The following DNM3 variants were observed in gnomAD, a reference collection of about 807,000 sequenced individuals.
The protein encoded by DNM3 is dynamin-3.
A neutral mutation model predicts 101.6 loss-of-function variants in DNM3; 47 were observed. The ratio of observed to expected loss-of-function variants is 0.46; its 90% CI spans 0.37 to 0.59. The LOEUF (loss-of-function observed/expected upper bound fraction) is 0.59, where lower values mean the gene tolerates loss of function less well. Ranked by LOEUF, DNM3 falls within the 20% of genes least tolerant of loss-of-function variation. The pLI, the probability that DNM3 is intolerant of heterozygous loss-of-function variation, is 0.00. For synonymous variants in DNM3, 385 were observed against 387.9 expected (o/e 0.99, Z 0.09); for missense variants, 849 against 1,085.7 (o/e 0.78, Z 3.06).
chr1:172,031,104 T>A (rs1049021378), intron 4 of DNM3, among the ~76,000 whole-genome samples: 1 of 152,144 alleles, frequency 6.6e-6, no homozygotes, highest in Non-Finnish European at 1.5e-5. Flanking sequence ...CATGCATACA[T>A]ATGTTTATTG....
chr1:172,226,853 A>G (rs542176503), intron 14 of DNM3, among the ~76,000 whole-genome samples: 1 of 152,302 alleles, frequency 6.6e-6, no homozygotes, highest in East Asian at 1.9e-4. Context: ...CTAAAAATTA[A>G]AAATGGATTT....
chr1:172,216,232 A>G (rs1419094767), intron 14 of DNM3, among the ~76,000 whole-genome samples: 1 of 152,114 alleles, frequency 6.6e-6, no homozygotes, highest in African/African-American at 2.4e-5. Flanking sequence ...TCGAAGGTAT[A>G]ATTCCCTTGG....
intron 15 of DNM3, among the ~76,000 whole-genome samples, chr1:172,306,023 T>G (rs1015498263): frequency 6.6e-6 from 1 of 152,216 alleles, no homozygotes; most frequent in African/African-American, 2.4e-5. Flanking sequence ...TGTTGGAAGT[T>G]CTGGCCAGGG....
intron 14 of DNM3, among the ~76,000 whole-genome samples, chr1:172,253,329 C>A (rs2062257490): frequency 1.3e-5 from 2 of 152,094 alleles, no homozygotes; most frequent in South Asian, 4.1e-4. Flanking sequence ...TGTTGAGAAT[C>A]ACTGGGGCCT....
At chr1:171,948,019 C>T (rs1284628263) in intron 2 of DNM3, among the ~76,000 whole-genome samples, 2 of 152,174 alleles carry the variant, frequency 1.3e-5, no homozygotes. Flanking sequence ...TAAAATTACA[C>T]CACCTATGTG....
chr1:171,848,987 C>G (rs1437218897), intron 1 of DNM3, among the ~76,000 whole-genome samples: 1 of 152,108 alleles, frequency 6.6e-6, no homozygotes, highest in Non-Finnish European at 1.5e-5. Context: ...GACAGTGTGT[C>G]ATTTTTATTT....
intron 2 of DNM3, among the ~76,000 whole-genome samples, chr1:171,971,722 A>G (rs1299111382): frequency 6.6e-6 from 1 of 152,178 alleles, no homozygotes; most frequent in Non-Finnish European, 1.5e-5. Context: ...ACAAAAACAA[A>G]AACAAAAAAC....
intron 13 of DNM3, among the ~76,000 whole-genome samples, chr1:172,099,433 G>A (rs2054478751): frequency 6.6e-6 from 1 of 152,150 alleles, no homozygotes; most frequent in Non-Finnish European, 1.5e-5. Flanking sequence ...AGAGACAGAA[G>A]CCTGGGCAAG....
chr1:172,252,527 A>G, intron 14 of DNM3, among the ~76,000 whole-genome samples: 1 of 152,126 alleles, frequency 6.6e-6, no homozygotes, highest in Non-Finnish European at 1.5e-5. Flanking sequence ...AAAAGTTATG[A>G]CTAAGTCTCC....
At chr1:172,160,807 C>A (rs2058519586) in intron 14 of DNM3, among the ~76,000 whole-genome samples, 2 of 151,932 alleles carry the variant, frequency 1.3e-5, no homozygotes, top group Admixed American at 1.3e-4. Context: ...ATGTGCTAGA[C>A]TTTTATAAGA....
intron 14 of DNM3, among the ~76,000 whole-genome samples, chr1:172,236,884 C>A (rs1198789618): frequency 6.6e-6 from 1 of 152,076 alleles, no homozygotes; most frequent in Non-Finnish European, 1.5e-5. Flanking sequence ...GGATGTGAAG[C>A]AGCTTTTCTT....
chr1:171,899,051 C>G (rs1247960356), intron 1 of DNM3, among the ~76,000 whole-genome samples: 1 of 152,198 alleles, frequency 6.6e-6, no homozygotes, highest in Admixed American at 6.5e-5. Flanking sequence ...TTAGCCCCTC[C>G]GGACGCTTGC....
intron 14 of DNM3, among the ~76,000 whole-genome samples, chr1:172,248,998 A>G (rs1264996119): frequency 6.6e-6 from 1 of 152,162 alleles, no homozygotes; most frequent in Non-Finnish European, 1.5e-5. Flanking sequence ...ACAATAATTA[A>G]AGCTGTCATC....
intron 4 of DNM3, among the ~76,000 whole-genome samples, chr1:172,022,184 T>C (rs2047893636): frequency 6.6e-6 from 1 of 152,160 alleles, no homozygotes; most frequent in Non-Finnish European, 1.5e-5. Flanking sequence ...AGTCTCACTC[T>C]CCTCATCTGT....
intron 1 of DNM3, among the ~76,000 whole-genome samples, chr1:171,848,168 T>A (rs572625181): frequency 9.9e-5 from 15 of 152,198 alleles, no homozygotes; most frequent in Non-Finnish European, 1.9e-4. Context: ...CTGTTATTGT[T>A]TTAGAGCACC....
chr1:171,916,001 C>T (rs2039679304), intron 1 of DNM3, among the ~76,000 whole-genome samples: 2 of 152,208 alleles, frequency 1.3e-5, no homozygotes, highest in Non-Finnish European at 2.9e-5. Flanking sequence ...TTATTGTCTC[C>T]AGACAAGACT....
intron 2 of DNM3, among the ~76,000 whole-genome samples, chr1:171,956,545 G>C (rs2042871457): frequency 2.6e-5 from 4 of 152,132 alleles, no homozygotes; most frequent in Admixed American, 2.0e-4. Flanking sequence ...TCATGGGCTG[G>C]CATTGGGTGT....
At chr1:172,315,004 C>G (rs544905549) in intron 16 of DNM3, among the ~76,000 whole-genome samples, 9 of 152,280 alleles carry the variant, frequency 5.9e-5, no homozygotes, top group African/African-American at 2.2e-4. Context: ...TAGGGGCAGA[C>G]TGACACCTCA....
intron 17 of DNM3, among the ~76,000 whole-genome samples, chr1:172,346,088 A>G (rs1434901236): frequency 2.7e-5 from 4 of 146,050 alleles, no homozygotes; most frequent in Non-Finnish European, 6.0e-5. Flanking sequence ...GTGCCACTGC[A>G]TTCCAGCCTG....
Sources: allele counts gnomAD v4.1 joint callset (sites outside exome capture counted in the v4.1 genomes callset), GRCh38; gene constraint gnomAD v4.1.1; transcripts MANE v1.5; gene names NCBI Gene and HGNC (gene_info 2026-07-23, HGNC 2026-07-21).